The following FNDC3A variants were observed in gnomAD, a reference collection of about 807,000 sequenced individuals.
FNDC3A encodes fibronectin type III domain containing 3A.
In FNDC3A, 32 loss-of-function variants were observed where a neutral mutation model predicts 148.9. The observed-to-expected ratio is 0.21, with a 90% CI of 0.16 to 0.29. The LOEUF (loss-of-function observed/expected upper bound fraction) is 0.29, where lower values mean the gene tolerates loss of function less well. Among genes scored for constraint, FNDC3A ranks in the 10% least tolerant of loss-of-function variants. FNDC3A has a pLI of 1.00. For missense variants in FNDC3A, 1,191 were observed against 1,452.8 expected (o/e 0.82, Z 2.93); for synonymous variants, 472 against 473.6 (o/e 1.00, Z 0.04).
chr13:49,167,448 C>A, intron 9 of FNDC3A, 145 bp downstream of exon 9: 1 of 545,684 alleles, frequency 1.8e-6, no homozygotes, highest in African/African-American at 2.0e-5. Flanking sequence ...GCAGTGCGCC[C>A]GTAATCCCAG....
chr13:49,002,325 G>T (rs1382959644), intron 1 of FNDC3A, among the ~76,000 whole-genome samples: 3 of 152,030 alleles, frequency 2.0e-5, no homozygotes, highest in Non-Finnish European at 2.9e-5. Flanking sequence ...TTATGTTGAG[G>T]TATATTTCTT....
chr13:49,120,452 C>G (rs1881258329), intron 4 of FNDC3A, among the ~76,000 whole-genome samples: 1 of 152,130 alleles, frequency 6.6e-6, no homozygotes, highest in African/African-American at 2.4e-5. Context: ...AAATAACCAG[C>G]TAGCATCATA....
chr13:49,034,006 ATTAT>A (rs1184256544), intron 2 of FNDC3A, among the ~76,000 whole-genome samples: 5 of 152,012 alleles, frequency 3.3e-5, no homozygotes, highest in African/African-American at 7.2e-5. Flanking sequence ...AAATATGTAA[ATTAT>A]TTATAAATGA....
At chr13:49,064,450 A>G (rs1409868387) in intron 2 of FNDC3A, among the ~76,000 whole-genome samples, 2 of 137,084 alleles carry the variant, frequency 1.5e-5, no homozygotes, top group Non-Finnish European at 3.1e-5. Flanking sequence ...CCTAGCAAGC[A>G]ACAAACAAGT....
chr13:49,115,071 G>A (rs1165278368), intron 4 of FNDC3A, among the ~76,000 whole-genome samples: 1 of 151,748 alleles, frequency 6.6e-6, no homozygotes, highest in Non-Finnish European at 1.5e-5. Flanking sequence ...TTGCTTAGAT[G>A]TAACCCAAGA....
At chr13:49,082,571 T>A (rs899219172) in intron 3 of FNDC3A, among the ~76,000 whole-genome samples, 4 of 152,240 alleles carry the variant, frequency 2.6e-5, no homozygotes, top group Non-Finnish European at 4.4e-5. Flanking sequence ...CCTCATTCCT[T>A]TTCCTTCCTA....
chr13:49,011,946 C>A (rs1952354290), intron 2 of FNDC3A, among the ~76,000 whole-genome samples: 1 of 152,108 alleles, frequency 6.6e-6, no homozygotes, highest in South Asian at 2.1e-4. Context: ...CTGTATCAAG[C>A]ATAGGTCCAA....
chr13:48,987,081 A>G (rs1951821058), intron 1 of FNDC3A, among the ~76,000 whole-genome samples: 1 of 152,254 alleles, frequency 6.6e-6, no homozygotes, highest in Non-Finnish European at 1.5e-5. Context: ...TTGAAGTTCT[A>G]CAAGAGCAAA....
In FNDC3A at chr13:49,045,894, A is replaced by G. The variant is rs80173565; in HGVS notation, c.100-29395A>G. On this transcript the variant is annotated intron_variant, in intron 2 of 25. Coordinates refer to ENST00000492622, the MANE Select transcript of FNDC3A (RefSeq NM_001079673.2). ...CTTTAGATACATCCTTGACAGAGCA[A>G]TTCTAGAGAAGTTTTTATCAGGGAC... 490 of 241,520 alleles carry G rather than the reference A, an allele frequency of 2.0e-3. 4 individuals carry two copies. The highest frequency in any genetic ancestry group is 0.011 in the African/African-American group (458 of 43,338). The allele number at this position is 241,520 out of a possible 1,614,324, so 15.0% of individuals were successfully genotyped here.
intron 2 of FNDC3A, among the ~76,000 whole-genome samples, chr13:49,073,798 A>G (rs1468237504): frequency 6.8e-6 from 1 of 146,384 alleles, no homozygotes; most frequent in Non-Finnish European, 1.5e-5. Context: ...TATTATATAT[A>G]TGTATATATA....
In FNDC3A at chr13:49,118,699, G is replaced by A. The variant is rs528946115; in HGVS notation, c.252+3968G>A. ...GGCGTCTGCCATTACTGAGGCTTGA[G>A]TAGGTAGTTTTCCCTGAGCAGTGTA... On this transcript the variant is annotated intron_variant, in intron 4 of 25. Transcript: ENST00000492622. Among the ~76,000 whole-genome samples, 3 of 152,306 alleles carry A rather than the reference G, an allele frequency of 2.0e-5. No homozygotes were observed. In the East Asian group the frequency reaches 5.8e-4, roughly 29 times the overall value.
intron 25 of FNDC3A, among the ~76,000 whole-genome samples, chr13:49,204,866 C>T (rs1442337879): frequency 6.6e-6 from 1 of 152,174 alleles, no homozygotes; most frequent in Non-Finnish European, 1.5e-5. Context: ...ATCATCTTCC[C>T]TCCCAGTATC....
intron 2 of FNDC3A, among the ~76,000 whole-genome samples, chr13:49,071,728 T>G (rs915754950): frequency 1.4e-4 from 3 of 21,214 alleles, no homozygotes; most frequent in Middle Eastern, 0.018. Context: ...GATTATTTGG[T>G]TTTTTTTTTT....
chr13:49,205,121 T>A (rs998582067), intron 25 of FNDC3A, among the ~76,000 whole-genome samples: 2 of 152,240 alleles, frequency 1.3e-5, no homozygotes, highest in African/African-American at 2.4e-5. Context: ...ACTGTTTTAA[T>A]GTCACACACC....
rs371838690 is a variant in FNDC3A at position 49,123,268 on chromosome 13, A to G, written c.253-7869A>G. On this transcript the variant is annotated intron_variant, in intron 4 of 25. Coordinates refer to ENST00000492622, the MANE Select transcript of FNDC3A (RefSeq NM_001079673.2). The stretch of plus-strand genomic sequence containing the variant: ...GGGGAAAGGATTCCCTATTTAATAA[A>G]TTGTGTTGGGAATACTGGCTAGCCA... Among the ~76,000 whole-genome samples the G allele has an allele frequency of 1.2e-4, 19 of 152,314 alleles. No individual in the cohort carries two copies. The East Asian group carries it at 1.9e-3, about 15-fold the overall frequency.
chr13:49,206,402 G>A lies in FNDC3A; in HGVS notation c.3283-679G>A, dbSNP rs543143880. ...TTGTGGTAGTTATTTATATCTCACT[G>A]ATCAAGGTTATTGCCAAGGTCTGAT... On this transcript the variant is annotated intron_variant, in intron 25 of 25. Transcript: ENST00000492622. Among the ~76,000 whole-genome samples, 4 of 152,086 alleles carry A rather than the reference G, an allele frequency of 2.6e-5. No homozygotes were observed. In the East Asian group the frequency reaches 7.7e-4, roughly 29 times the overall value.
intron 11 of FNDC3A, 49 bp from the exon 12 acceptor site, chr13:49,174,386 C>G: frequency 1.3e-6 from 2 of 1,487,366 alleles, no homozygotes; most frequent in Non-Finnish European, 1.9e-6. Flanking sequence ...GCGAATTTAT[C>G]TTTTTACAGT....
At chr13:49,062,568 A>T (rs1370858113) in intron 2 of FNDC3A, among the ~76,000 whole-genome samples, 1 of 152,092 alleles carries the variant, frequency 6.6e-6, no homozygotes, top group African/African-American at 2.4e-5. Flanking sequence ...CTTCGTACAC[A>T]TTATATGTGC....
intron 3 of FNDC3A, among the ~76,000 whole-genome samples, chr13:49,093,904 G>A (rs563408355): frequency 1.1e-4 from 17 of 152,204 alleles, no homozygotes; most frequent in African/African-American, 4.1e-4. Context: ...GTCTCTTTTG[G>A]TTTTAATTGC....
Sources: allele counts gnomAD v4.1 joint callset (sites outside exome capture counted in the v4.1 genomes callset), GRCh38; gene constraint gnomAD v4.1.1; transcripts MANE v1.5; gene names NCBI Gene and HGNC (gene_info 2026-07-23, HGNC 2026-07-21).